ITPR1: variants seen among roughly 807,000 people sequenced by gnomAD.
ITPR1 encodes the protein inositol 1,4,5-trisphosphate-gated calcium channel ITPR1.
Under a neutral mutation model 318.4 loss-of-function variants are expected in ITPR1, and 96 were observed. The ratio of observed to expected loss-of-function variants is 0.30; its 90% CI spans 0.26 to 0.36. The LOEUF (loss-of-function observed/expected upper bound fraction) is 0.36. Among genes scored for constraint, ITPR1 ranks in the 10% least tolerant of loss-of-function variants. The pLI, the probability that ITPR1 is intolerant of heterozygous loss-of-function variation, is 1.00. For synonymous variants in ITPR1, 1,312 were observed against 1,289.9 expected, an observed-to-expected ratio of 1.02 and a Z score of -0.37; for missense variants, 2,440 against 3,460.2, an observed-to-expected ratio of 0.71 and a Z score of 7.40.
intron 4 of ITPR1, among the ~76,000 whole-genome samples, chr3:4,534,699 T>A (rs2083703143): frequency 6.6e-6 from 1 of 152,198 alleles, no homozygotes; most frequent in Admixed American, 6.5e-5. Context: ...TTCTGAAATG[T>A]CTGGATGTTT....
chr3:4,544,005 G>A (rs2084725384), intron 4 of ITPR1, among the ~76,000 whole-genome samples: 1 of 152,074 alleles, frequency 6.6e-6, no homozygotes, highest in African/African-American at 2.4e-5. Context: ...TCATGATAAG[G>A]AATAAGGGAC....
intron 23 of ITPR1, 151 bp from the exon 24 acceptor site, chr3:4,676,463 C>T (rs1299947353): frequency 1.7e-6 from 1 of 588,236 alleles, no homozygotes; most frequent in East Asian, 3.1e-5. Flanking sequence ...TTTTGATGTG[C>T]ATTTACCTTT....
rs149798811 is a variant in ITPR1 at position 4,690,985 on chromosome 3, AG to A, written c.3829-158del. ...GTCAATGAAAAAAGCTTACTAAAAA[AG>A]AAGGTAGTACAGAAGCAAGAATGAG... On this transcript the variant is annotated intron_variant, in intron 31 of 61. Transcript: ENST00000649015. Among the ~76,000 whole-genome samples, 3,601 of 152,258 alleles carry A rather than the reference AG, an allele frequency of 0.024. 133 individuals carry two copies. The highest frequency in any genetic ancestry group is 0.081 in the African/African-American group (3,371 of 41,550).
intron 41 of ITPR1, among the ~76,000 whole-genome samples, chr3:4,726,680 G>A (rs1182567253): frequency 1.3e-5 from 2 of 152,146 alleles, no homozygotes; most frequent in African/African-American, 2.4e-5. Flanking sequence ...TTGTGGGGTG[G>A]GGAAAGCCGT....
chr3:4,509,713 C>T (rs1358779356), intron 2 of ITPR1, among the ~76,000 whole-genome samples: 1 of 152,212 alleles, frequency 6.6e-6, no homozygotes, highest in Non-Finnish European at 1.5e-5. Flanking sequence ...GGGAGGATCA[C>T]TTGAGCCTGG....
intron 55 of ITPR1, among the ~76,000 whole-genome samples, chr3:4,806,769 A>C (rs986685340): frequency 1.3e-5 from 2 of 152,032 alleles, no homozygotes; most frequent in African/African-American, 4.8e-5. Context: ...TCAGTAGCTC[A>C]TTTTCCTCCG....
chr3:4,769,269 G>C (rs1185659104), intron 46 of ITPR1, among the ~76,000 whole-genome samples: 1 of 152,046 alleles, frequency 6.6e-6, no homozygotes, highest in Non-Finnish European at 1.5e-5. Context: ...TGTCTTCCCT[G>C]CTGTCTCCAG....
At chr3:4,513,582 C>T (rs1022387361) in intron 2 of ITPR1, among the ~76,000 whole-genome samples, 1 of 152,154 alleles carries the variant, frequency 6.6e-6, no homozygotes, top group East Asian at 1.9e-4. Context: ...ATTCACTTAT[C>T]TCGGCCACTT....
rs193297881 is a variant in ITPR1 at position 4,704,456 on chromosome 3, A to G, written c.4657+1506A>G. 2.2e-3 allele frequency among the ~76,000 whole-genome samples: 329 copies of G among 152,266 alleles called. 1 individual carries two copies. Among genetic ancestry groups the G allele is most frequent in the Non-Finnish European group, 3.7e-3 (249 of 68,002 alleles). On this transcript the variant is annotated intron_variant, in intron 36 of 61. Coordinates refer to ENST00000649015, the MANE Select transcript of ITPR1 (RefSeq NM_001378452.1). ...CTACCTGTTGGGTACTCTGTTCTCT[A>G]TCTGGGTGATGGGTTCGATCATACC... is the stretch of plus-strand genomic sequence containing the variant.
intron 59 of ITPR1, 54 bp downstream of exon 59, chr3:4,815,272 G>C: frequency 6.4e-7 from 1 of 1,572,508 alleles, no homozygotes; most frequent in South Asian, 1.1e-5. Context: ...CGTGGCAGAG[G>C]CATGTGGATA....
In ITPR1 at chr3:4,788,101, A is replaced by C; in HGVS notation, c.6770A>C (p.Asp2257Ala). The change falls in exon 52 of 62, where the codon GAC (aspartate) becomes GCC (alanine). Residue 2257 changes from aspartate to alanine, a missense_variant. This residue lies in a region of ITPR1 where 115 missense variants were observed against 204.5 expected (regional missense o/e 0.56). Coordinates refer to ENST00000649015, the MANE Select transcript of ITPR1 (RefSeq NM_001378452.1). Reference protein sequence around the residue: ...KINDFFLRSEDLFNEMNWQKK... With the variant: ...KINDFFLRSEALFNEMNWQKK... ...AATGATTTCTTTCTGCGGTCTGAAGACCTCTTCAATGAAATGAATTGGCAG... is the reference window on the plus strand; with the variant it reads ...AATGATTTCTTTCTGCGGTCTGAAGCCCTCTTCAATGAAATGAATTGGCAG... 2 of 1,608,662 alleles carry C rather than the reference A, an allele frequency of 1.2e-6. No homozygotes were observed. Among genetic ancestry groups the C allele is most frequent in the Non-Finnish European group, 1.7e-6 (2 of 1,177,374 alleles).
intron 61 of ITPR1, among the ~76,000 whole-genome samples, chr3:4,843,074 G>GTTTTTT (rs11404208): frequency 2.8e-5 from 3 of 105,444 alleles, no homozygotes; most frequent in South Asian, 3.0e-4. Flanking sequence ...GTTTTGAGGG[G>GTTTTTT]TTTTTTTTTT....
At chr3:4,606,479 A>G (rs1032913211) in intron 4 of ITPR1, among the ~76,000 whole-genome samples, 1 of 152,164 alleles carries the variant, frequency 6.6e-6, no homozygotes, top group African/African-American at 2.4e-5. Context: ...AAAAAAAGAA[A>G]CAAACACAGA....
intron 4 of ITPR1, among the ~76,000 whole-genome samples, chr3:4,621,364 T>A (rs2092624704): frequency 1.3e-5 from 2 of 151,996 alleles, no homozygotes; most frequent in South Asian, 4.1e-4. Context: ...TTTAAACAAC[T>A]AGATCTTGCG....
At chr3:4,753,225 C>G (rs1367237530) in intron 44 of ITPR1, among the ~76,000 whole-genome samples, 4 of 151,906 alleles carry the variant, frequency 2.6e-5, no homozygotes, top group South Asian at 4.2e-4. Context: ...TCTGCTCCAC[C>G]AGGGTGATGG....
At chr3:4,780,694 A>G (rs2046771728) in intron 49 of ITPR1, among the ~76,000 whole-genome samples, 1 of 152,170 alleles carries the variant, frequency 6.6e-6, no homozygotes, top group Non-Finnish European at 1.5e-5. Flanking sequence ...TTGATCTCTG[A>G]GGTCAGGGAG....
intron 2 of ITPR1, among the ~76,000 whole-genome samples, chr3:4,503,182 G>A (rs767387351): frequency 2.0e-5 from 3 of 152,162 alleles, no homozygotes; most frequent in Non-Finnish European, 4.4e-5. Flanking sequence ...TTGAGGTGTT[G>A]TTCAGTACAA....
intron 23 of ITPR1, among the ~76,000 whole-genome samples, chr3:4,676,413 T>G (rs901048658): frequency 6.6e-6 from 1 of 152,178 alleles, no homozygotes; most frequent in African/African-American, 2.4e-5. Context: ...CTGGGGATTT[T>G]GAAGCCCGTG....
intron 4 of ITPR1, among the ~76,000 whole-genome samples, chr3:4,543,353 C>A (rs2084653866): frequency 6.6e-6 from 1 of 152,124 alleles, no homozygotes; most frequent in South Asian, 2.1e-4. Flanking sequence ...CTGGGTCAAT[C>A]TGCTTAGGCT....
Sources: gnomAD v4.1 joint callset for allele counts (sites outside exome capture counted in the v4.1 genomes callset) on GRCh38, gnomAD v4.1.1 for gene constraint, gnomAD v4.1.1 regional missense constraint, MANE v1.5 for transcripts, NCBI Gene and HGNC (gene_info 2026-07-23, HGNC 2026-07-21) for gene names.